PHEX: variants seen among roughly 807,000 people sequenced by gnomAD.
The protein encoded by PHEX is phosphate-regulating neutral endopeptidase PHEX.
Under a neutral mutation model 68.0 loss-of-function variants are expected in PHEX, and 16 were observed. That is an observed-to-expected ratio of 0.24 (90% confidence interval 0.16 to 0.36). The LOEUF (loss-of-function observed/expected upper bound fraction) is 0.36. Ranked by LOEUF, PHEX falls within the 10% of genes least tolerant of loss-of-function variation. The probability of loss-of-function intolerance (pLI) is 1.00; values close to 1 mark genes in which losing one functional copy is unlikely to be tolerated. For missense variants in PHEX, 480 were observed against 575.5 expected (o/e 0.83, Z 1.70); for synonymous variants, 208 against 205.1 (o/e 1.01, Z -0.12).
At position 22,090,473 on chromosome X, in the gene PHEX, T is replaced by C. The variant is rs1215459747; in HGVS notation, c.708T>C (p.Leu236=). ...TLSLAVREDY[L]DNSTEAKSYR... ...CCCTGGCCGTGAGGGAAGACTACCT[T>C]GATAACAGTACAGAAGCCAAGTCTG... The change falls in exon 6 of 22, where the codon CTT becomes CTC. Residue 236 remains leucine (L), a synonymous_variant. Transcript: ENST00000379374. 2 of 1,206,167 alleles carry C rather than the reference T, an allele frequency of 1.7e-6. No individual in the cohort carries two copies. The highest frequency in any genetic ancestry group is 2.2e-6 in the Non-Finnish European group (2 of 890,160).
intron 12 of PHEX, among the ~76,000 whole-genome samples, chrX:22,154,643 T>C (rs973145159): frequency 5.4e-5 from 6 of 110,913 alleles, no homozygotes; most frequent in Non-Finnish European, 1.9e-5. Flanking sequence ...AGTGCCAAGG[T>C]TGAGAAACCC....
At position 22,185,761 on chromosome X, in the gene PHEX, T is replaced by G. The variant is rs1273426864; in HGVS notation, c.1587-4683T>G. Among the ~76,000 whole-genome samples, 4 of 68,348 alleles carry G rather than the reference T, an allele frequency of 5.9e-5. 1 individual carries two copies. Among genetic ancestry groups the G allele is most frequent in the African/African-American group, 2.0e-4 (4 of 19,587 alleles). The allele number at this position is 68,348 out of a possible 115,157, so 59.4% of individuals were successfully genotyped here. ...CTGCATGGTTCTCGTTTGTGGTTTT[T>G]TTTTTTTTTTTTGGACACAGAGTCT... On this transcript the variant is annotated intron_variant, in intron 14 of 21. Transcript: ENST00000379374.
rs767363027 is a variant in PHEX, at chrX:22,092,898, C to T, written c.733-1085C>T. On this transcript the variant is annotated intron_variant, in intron 6 of 21. Coordinates refer to ENST00000379374, the MANE Select transcript of PHEX (RefSeq NM_000444.6). ...CCGAATAGCTGAGACTACAGGCGTGCGCCACCACGCCCAGCTAGTTTTTTT... is the reference window on the plus strand; with the variant it reads ...CCGAATAGCTGAGACTACAGGCGTGTGCCACCACGCCCAGCTAGTTTTTTT... Among the ~76,000 whole-genome samples the T allele has an allele frequency of 5.6e-5, 6 of 107,795 alleles. No homozygotes were observed. In the South Asian group the frequency reaches 1.2e-3, roughly 22 times the overall value. 93.6% of individuals were successfully genotyped at this position (107,795 alleles called of 115,157 possible).
chrX:22,059,728 C>G (rs1928276198), intron 3 of PHEX, among the ~76,000 whole-genome samples: 1 of 111,545 alleles, frequency 9.0e-6, no homozygotes, highest in Non-Finnish European at 1.9e-5. Context: ...AATTCAGGTG[C>G]TTGGAGTGGC....
intron 18 of PHEX, among the ~76,000 whole-genome samples, chrX:22,223,913 G>T (rs1035836752): frequency 4.4e-5 from 5 of 112,885 alleles, no homozygotes; most frequent in African/African-American, 1.3e-4. Context: ...GAATCCCAGT[G>T]ACATGCGAGC....
rs1164944990 is a variant in PHEX, at chrX:22,075,285, C to CTTTT, written c.350-1085_350-1082dup. 4.7e-4 allele frequency among the ~76,000 whole-genome samples: 29 copies of CTTTT among 62,326 alleles called. 1 individual carries two copies. Among genetic ancestry groups the CTTTT allele is most frequent in the Non-Finnish European group, 6.0e-4 (20 of 33,128 alleles). The allele number at this position is 62,326 out of a possible 115,157, so 54.1% of individuals were successfully genotyped here. A position where few individuals can be genotyped will look rare whatever the true frequency, so the allele number is the denominator to read the frequency against. On this transcript the variant is annotated intron_variant, in intron 3 of 21. Coordinates refer to ENST00000379374, the MANE Select transcript of PHEX (RefSeq NM_000444.6). ...AAAACTAGACAGGAGCTCTGGGTTG[C>CTTTT]TTTTTTTTTTTTTTTTTTTTTGAAC...
At chrX:22,098,282 A>C (rs918681593) in intron 8 of PHEX, among the ~76,000 whole-genome samples, 2 of 106,918 alleles carry the variant, frequency 1.9e-5, no homozygotes, top group African/African-American at 6.9e-5. Flanking sequence ...AGGAGGGAAG[A>C]GTATGGGAGG....
intron 17 of PHEX, among the ~76,000 whole-genome samples, chrX:22,220,167 A>T (rs1158713949): frequency 9.0e-6 from 1 of 111,258 alleles, no homozygotes; most frequent in Non-Finnish European, 1.9e-5. Flanking sequence ...ATCCATACCC[A>T]CACAGTGATT....
chrX:22,074,752 G>A (rs1461261440), intron 3 of PHEX, among the ~76,000 whole-genome samples: 6 of 107,715 alleles, frequency 5.6e-5, no homozygotes, highest in Non-Finnish European at 1.1e-4. Context: ...ATCTTTCTGC[G>A]TATTAAAAAA....
At chrX:22,141,728 A>T (rs992820155) in intron 12 of PHEX, among the ~76,000 whole-genome samples, 4 of 112,077 alleles carry the variant, frequency 3.6e-5, no homozygotes, top group Non-Finnish European at 7.5e-5. Context: ...ATGCTCATTT[A>T]AAAAATCTGG....
chrX:22,043,906 G>A (rs888611429), intron 2 of PHEX, among the ~76,000 whole-genome samples: 13 of 111,172 alleles, frequency 1.2e-4, no homozygotes, highest in South Asian at 3.8e-4. Context: ...GGGGAAAGGC[G>A]TTTTGGTGTC....
At chrX:22,159,324 A>T (rs1326065933) in intron 12 of PHEX, among the ~76,000 whole-genome samples, 1 of 113,236 alleles carries the variant, frequency 8.8e-6, no homozygotes, top group Non-Finnish European at 1.9e-5. Context: ...ACCACAAGTT[A>T]TGAATGGATT....
At chrX:22,098,795 CAAAAAAAAAAAAAAAA>C (rs746223770) in intron 8 of PHEX, among the ~76,000 whole-genome samples, 195 bp from the exon 9 acceptor site, 5 of 11,374 alleles carry the variant, frequency 4.4e-4, no homozygotes, top group African/African-American at 8.8e-4. Flanking sequence ...GAGAATGTCT[CAAAAAAAAAAAAAAAA>C]AAAAAAAAAA....
At chrX:22,035,483 C>G (rs944535963) in intron 1 of PHEX, among the ~76,000 whole-genome samples, 7 of 112,739 alleles carry the variant, frequency 6.2e-5, no homozygotes, top group Admixed American at 1.9e-4. Flanking sequence ...ATGGGCATGG[C>G]TGTGTGCCAA....
chrX:22,107,850 A>G (rs1263130426), intron 9 of PHEX, among the ~76,000 whole-genome samples: 1 of 111,995 alleles, frequency 8.9e-6, no homozygotes, highest in Non-Finnish European at 1.9e-5. Flanking sequence ...TCCCCAGCAC[A>G]GAGAACTGTT....
At position 22,243,334 on chromosome X, in the gene PHEX, A is replaced by G. The variant is rs1320645075; in HGVS notation, c.2071-1999A>G. ...GACCTAGGACCATAAAAATCCTAGA[A>G]GAAAACCTGGGCAATACCATTCAGG... On this transcript the variant is annotated intron_variant, in intron 20 of 21. Transcript: ENST00000379374. Among the ~76,000 whole-genome samples the G allele has an allele frequency of 1.2e-4, 13 of 112,298 alleles. No individual in the cohort carries two copies. The East Asian group carries it at 3.6e-3, about 31-fold the overall frequency.
intron 18 of PHEX, among the ~76,000 whole-genome samples, chrX:22,225,328 ATTTTTCCAGCTTCATTT>A (rs936879234): frequency 9.0e-5 from 10 of 110,831 alleles, no homozygotes; most frequent in African/African-American, 3.3e-4. Flanking sequence ...GCCATGCTTT[ATTTTTCCAGCTTCATTT>A]TGTGGGGACC....
At chrX:22,127,000 T>C (rs986804297) in intron 11 of PHEX, among the ~76,000 whole-genome samples, 2 of 104,514 alleles carry the variant, frequency 1.9e-5, no homozygotes, top group African/African-American at 7.1e-5. Flanking sequence ...GCCTCTCGAG[T>C]AGCTGAGATT....
intron 11 of PHEX, among the ~76,000 whole-genome samples, chrX:22,115,340 A>G (rs1005363266): frequency 1.8e-5 from 2 of 112,117 alleles, no homozygotes; most frequent in African/African-American, 6.5e-5. Flanking sequence ...CAAAACAAAC[A>G]CAAAGTATAC....
Sources: gnomAD v4.1 joint callset for allele counts (sites outside exome capture counted in the v4.1 genomes callset) on GRCh38, gnomAD v4.1.1 for gene constraint, MANE v1.5 for transcripts, NCBI Gene and HGNC (gene_info 2026-07-23, HGNC 2026-07-21) for gene names.